BIRC6: variants seen among roughly 807,000 people sequenced by gnomAD.
BIRC6 encodes dual E2 ubiquitin-conjugating enzyme/E3 ubiquitin-protein ligase BIRC6.
Under a neutral mutation model 503.3 loss-of-function variants are expected in BIRC6, and 98 were observed. The ratio of observed to expected loss-of-function variants is 0.19; its 90% CI spans 0.17 to 0.23. The LOEUF (loss-of-function observed/expected upper bound fraction) is 0.23, where lower values mean the gene tolerates loss of function less well. Among genes scored for constraint, BIRC6 ranks in the 10% least tolerant of loss-of-function variants. The pLI is 1.00. For missense variants in BIRC6, 5,360 were observed against 5,806.0 expected (o/e 0.92, Z 2.50); for synonymous variants, 2,240 against 2,078.7 (o/e 1.08, Z -2.11).
At chr2:32,510,231 A>G (rs1476059332) in intron 52 of BIRC6, among the ~76,000 whole-genome samples, 2 of 152,140 alleles carry the variant, frequency 1.3e-5, no homozygotes, top group African/African-American at 4.8e-5. Context: ...GGCATCTGCC[A>G]CCACACCCGG....
At chr2:32,595,609 T>A (rs2061627340) in intron 68 of BIRC6, among the ~76,000 whole-genome samples, 1 of 152,240 alleles carries the variant, frequency 6.6e-6, no homozygotes, top group Admixed American at 6.5e-5. Context: ...AAAGATTATA[T>A]CAGTACCCTT....
At chr2:32,388,638 G>T in intron 3 of BIRC6, 112 bp from the exon 4 acceptor site, 2 of 749,268 alleles carry the variant, frequency 2.7e-6, no homozygotes, top group Non-Finnish European at 2.0e-6. Context: ...AACTAATGAA[G>T]AAAACTGACT....
In BIRC6 at chr2:32,468,615, G is replaced by C; in HGVS notation, c.5959G>C (p.Ala1987Pro). 1 of 1,613,948 alleles carries C rather than the reference G, an allele frequency of 6.2e-7. No individual in the cohort carries two copies. The highest frequency in any genetic ancestry group is 8.5e-7 in the Non-Finnish European group (1 of 1,179,866). ...TCAGCTACAGCTTCAACTAAATTTGGCTCATAATGCAGTGCAGAGGCTCAA... is the reference window on the plus strand; with the variant it reads ...TCAGCTACAGCTTCAACTAAATTTGCCTCATAATGCAGTGCAGAGGCTCAA... ...CIQLQLQLNLAHNAVQRLKVA... is the reference protein window; with the variant it reads ...CIQLQLQLNLPHNAVQRLKVA... The change falls in exon 29 of 74, where the codon GCT (alanine) becomes CCT (proline). Residue 1987 changes from alanine (A) to proline (P), a missense_variant. Coordinates refer to ENST00000421745, the MANE Select transcript of BIRC6 (RefSeq NM_016252.4).
intron 61 of BIRC6, among the ~76,000 whole-genome samples, chr2:32,537,184 A>T (rs2057303151): frequency 6.6e-6 from 1 of 152,174 alleles, no homozygotes; most frequent in Non-Finnish European, 1.5e-5. Flanking sequence ...TTTTCTAGAT[A>T]TACAATCTGT....
At chr2:32,395,629 T>A in intron 6 of BIRC6, 36 bp downstream of exon 6, 1 of 1,517,352 alleles carries the variant, frequency 6.6e-7, no homozygotes, top group Non-Finnish European at 9.1e-7. Flanking sequence ...ATAGGCTAAG[T>A]CAGTCGTGTA....
chr2:32,595,761 A>G (rs1275833302), intron 68 of BIRC6, among the ~76,000 whole-genome samples: 1 of 152,250 alleles, frequency 6.6e-6, no homozygotes, highest in Non-Finnish European at 1.5e-5. Flanking sequence ...AGTAGGATTC[A>G]GAAAACAGAT....
chr2:32,617,233 C>T (rs191273803), intron 73 of BIRC6, among the ~76,000 whole-genome samples: 111 of 152,286 alleles, frequency 7.3e-4, no homozygotes, highest in African/African-American at 2.6e-3. Context: ...AACCCCATCT[C>T]TACTAAAAAT....
At chr2:32,380,342 C>T in intron 3 of BIRC6, 52 bp downstream of exon 3, 1 of 1,518,536 alleles carries the variant, frequency 6.6e-7, no homozygotes, top group Non-Finnish European at 8.8e-7. Context: ...ATGGACACCT[C>T]CATTCTTTTG....
chr2:32,550,278 A>C (rs1033944653), intron 65 of BIRC6, among the ~76,000 whole-genome samples: 3 of 152,174 alleles, frequency 2.0e-5, no homozygotes, highest in Non-Finnish European at 2.9e-5. Context: ...TTGGTAGTCT[A>C]TTTTGTGGTT....
chr2:32,498,018 A>G (rs1458446119), intron 45 of BIRC6, among the ~76,000 whole-genome samples: 1 of 152,098 alleles, frequency 6.6e-6, no homozygotes, highest in East Asian at 1.9e-4. Flanking sequence ...TGAATTAAGC[A>G]ACTTTTAAAA....
At chr2:32,541,678 A>G (rs977947781) in intron 61 of BIRC6, among the ~76,000 whole-genome samples, 26 of 152,134 alleles carry the variant, frequency 1.7e-4, no homozygotes, top group Non-Finnish European at 3.5e-4. Context: ...TATTTAGTGA[A>G]GTGCATTATT....
chr2:32,435,127 A>C (rs77395350), intron 13 of BIRC6, among the ~76,000 whole-genome samples: 2,288 of 152,260 alleles, frequency 0.015, 59 homozygotes, highest in African/African-American at 0.05. Flanking sequence ...ATATGTGTGC[A>C]GTCTTTTGAC....
intron 15 of BIRC6, 117 bp from the exon 16 acceptor site, chr2:32,439,391 G>T: frequency 9.9e-7 from 1 of 1,014,116 alleles, no homozygotes; most frequent in East Asian, 2.6e-5. Context: ...TAATTTGAAA[G>T]TTCTGGCCTA....
intron 9 of BIRC6, 116 bp from the exon 10 acceptor site, chr2:32,414,653 C>T (rs570146979): frequency 3.6e-6 from 3 of 833,872 alleles, no homozygotes; most frequent in Non-Finnish European, 5.0e-6. Flanking sequence ...TGTGACAGAG[C>T]AAGAATTTGT....
At chr2:32,493,739 A>T (rs2052050394) in intron 45 of BIRC6, 72 bp downstream of exon 45, 1 of 1,278,438 alleles carries the variant, frequency 7.8e-7, no homozygotes, top group Admixed American at 2.1e-5. Context: ...CTTTTCTTTA[A>T]CATTTGTTGG....
chr2:32,440,949 T>G (rs766158296), intron 16 of BIRC6, among the ~76,000 whole-genome samples: 1 of 151,866 alleles, frequency 6.6e-6, no homozygotes, highest in Non-Finnish European at 1.5e-5. Context: ...TTGGTAGAGA[T>G]AGGGTTTCAC....
intron 45 of BIRC6, among the ~76,000 whole-genome samples, chr2:32,497,193 A>G (rs1190996641): frequency 6.6e-6 from 1 of 152,174 alleles, no homozygotes; most frequent in Non-Finnish European, 1.5e-5. Context: ...TGTTTTCTAA[A>G]GAGTTGAGAT....
At chr2:32,518,493 A>G (rs935511704) in intron 56 of BIRC6, 96 bp downstream of exon 56, 1 of 1,292,014 alleles carries the variant, frequency 7.7e-7, no homozygotes, top group Non-Finnish European at 1.1e-6. Context: ...AACTTCGAGT[A>G]TAGCAAAGTG....
chr2:32,490,043 T>A lies in BIRC6; in HGVS notation c.8098T>A (p.Ser2700Thr). Residue 2700 changes from serine to threonine, a missense_variant and splice_region_variant, in exon 43 of 74, where the codon TCA becomes ACA. Physicochemically the swap from Ser to Thr is moderately conservative, Grantham distance 58 (BLOSUM62 1). Around this residue, in one of 16 missense-constraint regions of BIRC6, gnomAD observed 2,299 missense variants for 2,267.2 expected, o/e 1.01. Transcript: ENST00000421745. Reference sequence around the variant, plus strand: ...TTCCCTTTCTCTTTTCTGCATAGCATCAATAACTAGCTTTCTCACAGTGTT... The same window carrying A: ...TTCCCTTTCTCTTTTCTGCATAGCAACAATAACTAGCTTTCTCACAGTGTT... ...RIPVISLNQA[S>T]ITSFLTVLAW... The A allele has an allele frequency of 6.2e-7, 1 of 1,602,852 alleles. No individual in the cohort carries two copies. Among genetic ancestry groups the A allele is most frequent in the Non-Finnish European group, 8.5e-7 (1 of 1,170,112 alleles).
Sources: allele counts gnomAD v4.1 joint callset (sites outside exome capture counted in the v4.1 genomes callset), GRCh38; gene constraint gnomAD v4.1.1; regional missense constraint gnomAD v4.1.1; transcripts MANE v1.5; gene names NCBI Gene and HGNC (gene_info 2026-07-23, HGNC 2026-07-21).